The following AHNAK2 variants were observed in gnomAD, a reference collection of about 807,000 sequenced individuals.
AHNAK2 encodes AHNAK nucleoprotein 2.
In AHNAK2, 18 loss-of-function variants were observed where a neutral mutation model predicts 30.7. That is an observed-to-expected ratio of 0.59 (90% CI 0.41 to 0.87). The LOEUF (loss-of-function observed/expected upper bound fraction) is 0.87, where lower values mean the gene tolerates loss of function less well. Among genes scored for constraint, AHNAK2 ranks in the 40% least tolerant of loss-of-function variants. The pLI is 0.00. For synonymous variants in AHNAK2, 3,590 were observed against 3,073.8 expected (o/e 1.17, Z -5.56); for missense variants, 8,604 against 7,373.0 (o/e 1.17, Z -6.11).
At position 104,945,420 on chromosome 14, in the gene AHNAK2, A is replaced by C. The variant is rs1898209172; in HGVS notation, c.10031T>G (p.Leu3344Arg). 1 of 1,612,868 alleles carries C rather than the reference A, an allele frequency of 6.2e-7. No homozygotes were observed. The highest frequency in any genetic ancestry group is 1.3e-5 in the African/African-American group (1 of 74,644). Reference sequence around the variant, plus strand: ...CTTGAGGTCCCCCTGCATGGAGGGGAGGCTCACGTCGGCCTCCGCCTTCGG... The same window carrying C: ...CTTGAGGTCCCCCTGCATGGAGGGGCGGCTCACGTCGGCCTCCGCCTTCGG... The part of the protein sequence containing the change: ...SAPKAEADVS[L>R]PSMQGDLKTT... The change falls in exon 7 of 7, where the codon CTC (leucine) becomes CGC (arginine). Residue 3344 changes from leucine to arginine, a missense_variant. By Grantham distance (102) the Leu-to-Arg change is moderately radical (BLOSUM62 -2). Transcript: ENST00000333244.
At chr14:104,970,635 G>A (rs1899448257) in intron 1 of AHNAK2, among the ~76,000 whole-genome samples, 1 of 152,122 alleles carries the variant, frequency 6.6e-6, no homozygotes, top group Non-Finnish European at 1.5e-5. Flanking sequence ...GAGGGAGTGG[G>A]CGGGTCCCCT....
In AHNAK2 at chr14:104,949,614, T is replaced by A. The variant is rs201385980; in HGVS notation, c.5837A>T (p.Asp1946Val). The change falls in exon 7 of 7, where the codon GAT becomes GTT. Residue 1946 changes from aspartate to valine, a missense_variant. Transcript: ENST00000333244. ...CATGCTGGGCAGAGACACCTCGACA[T>A]CGGGGGCTGTCACTTCCGCCTTGGG... Reference protein sequence around the residue: ...KGPKAEVTAPDVEVSLPSMEV... With the variant: ...KGPKAEVTAPVVEVSLPSMEV... 6.3e-7 allele frequency: 1 copy of A among 1,588,904 alleles called. No individual in the cohort carries two copies. Among genetic ancestry groups the A allele is most frequent in the Non-Finnish European group, 8.6e-7 (1 of 1,163,338 alleles).
rs1898166210 is a variant in AHNAK2 at position 104,944,748 on chromosome 14, T to G, written c.10703A>C (p.Lys3568Thr). Reference protein sequence around the residue: ...KVEMPSLKTPKVDLKGPQIDV... With the variant: ...KVEMPSLKTPTVDLKGPQIDV... Reference sequence around the variant, plus strand: ...TATCTGGGGGCCCTTGAGGTCCACTTTGGGCGTCTTTAAACTGGGCATCTC... The same window carrying G: ...TATCTGGGGGCCCTTGAGGTCCACTGTGGGCGTCTTTAAACTGGGCATCTC... The change falls in exon 7 of 7, where the codon AAA (lysine) becomes ACA (threonine). Residue 3568 changes from lysine (K) to threonine (T), a missense_variant. Physicochemically the swap from Lys to Thr is moderately conservative, Grantham distance 78. Coordinates refer to ENST00000333244, the MANE Select transcript of AHNAK2 (RefSeq NM_138420.4). The G allele has an allele frequency of 3.7e-6, 6 of 1,612,172 alleles. No individual in the cohort carries two copies. Among genetic ancestry groups the G allele is most frequent in the Non-Finnish European group, 5.1e-6 (6 of 1,179,268 alleles).
rs181864087 is a variant in AHNAK2 at position 104,943,009 on chromosome 14, G to A, written c.12442C>T (p.Pro4148Ser). 2 of 1,613,160 alleles carry A rather than the reference G, an allele frequency of 1.2e-6. No homozygotes were observed. The highest frequency in any genetic ancestry group is 8.5e-7 in the Non-Finnish European group (1 of 1,179,570). Residue 4148 changes from proline (P) to serine (S), a missense_variant, in exon 7 of 7, where the codon CCA (proline) becomes TCA (serine). Transcript: ENST00000333244. Reference sequence around the variant, plus strand: ...ACGGACGCCTCCATGGACTTGCCTGGGGCCGACACCCCGAATGATGGCATC... The same window carrying A: ...ACGGACGCCTCCATGGACTTGCCTGAGGCCGACACCCCGAATGATGGCATC... ...FKMPSFGVSAPGKSMEASVDV... is the reference protein window; with the variant it reads ...FKMPSFGVSASGKSMEASVDV...
chr14:104,965,098 T>C (rs1899262563), intron 1 of AHNAK2, among the ~76,000 whole-genome samples: 1 of 152,194 alleles, frequency 6.6e-6, no homozygotes, highest in African/African-American at 2.4e-5. Flanking sequence ...ATCATTAGTG[T>C]AGTTTATGTG....
chr14:104,952,328 C>T lies in AHNAK2; in HGVS notation c.3123G>A (p.Leu1041=). 1 of 1,602,968 alleles carries T rather than the reference C, an allele frequency of 6.2e-7. No individual in the cohort carries two copies. Among genetic ancestry groups the T allele is most frequent in the Non-Finnish European group, 8.5e-7 (1 of 1,174,834 alleles). Residue 1041 remains leucine (L), a synonymous_variant, in exon 7 of 7, where the codon CTG becomes CTA. Coordinates refer to ENST00000333244, the MANE Select transcript of AHNAK2 (RefSeq NM_138420.4). ...GCTGAATGCTGAGGTCAGTGGTCTT[C>T]AGGTCCCCCTGCATGGAGGGGAGAC... is the stretch of plus-strand genomic sequence containing the variant. ...DLSLPSMQGD[L]KTTDLSIQPA...
In AHNAK2 at chr14:104,943,129, C is replaced by T. The variant is rs760896585; in HGVS notation, c.12322G>A (p.Ala4108Thr). 5.0e-6 allele frequency: 8 copies of T among 1,613,160 alleles called. No individual in the cohort carries two copies. The highest frequency in any genetic ancestry group is 1.7e-5 in the Admixed American group (1 of 59,934). Reference protein sequence around the residue: ...SMEVDVQAPRAKLDGVQLEGD... With the variant: ...SMEVDVQAPRTKLDGVQLEGD... The stretch of plus-strand genomic sequence containing the variant: ...TCCAGCTGCACACCATCCAGCTTTG[C>T]TCTCGGGGCCTGGACGTCCACCTCC... Residue 4108 changes from alanine (A) to threonine (T), a missense_variant, in exon 7 of 7, where the codon GCA becomes ACA. By Grantham distance (58) the Ala-to-Thr change is moderately conservative (BLOSUM62 0). Transcript: ENST00000333244.
Position 104,946,481 on chromosome 14 carries a change from C to T in AHNAK2, c.8970G>A (p.Val2990=), listed in dbSNP as rs990376890. The change falls in exon 7 of 7, where the codon GTG becomes GTA. Residue 2990 remains valine (V), a synonymous_variant. Transcript: ENST00000333244. ...MPKFKMPSFG[V]SAPGKSIEVS... is the part of the protein sequence containing the mutation. ...CCTCAATGGACTTGCCTGGGGCAGA[C>T]ACCCCGAACGACGGCATCTTGAACT... 1.2e-6 allele frequency: 2 copies of T among 1,612,574 alleles called. No homozygotes were observed. Among genetic ancestry groups the T allele is most frequent in the East Asian group, 2.2e-5 (1 of 44,694 alleles).
chr14:104,943,317 G>T lies in AHNAK2; in HGVS notation c.12134C>A (p.Ala4045Asp). Residue 4045 changes from alanine to aspartate, a missense_variant, in exon 7 of 7, where the codon GCC (alanine) becomes GAC (aspartate). By Grantham distance (126) the Ala-to-Asp change is moderately radical. Transcript: ENST00000333244. ...KLPEGPVPEG[A>D]SLKGHLPKVQ... is the part of the protein sequence containing the mutation. ...CTTGGGCAGGTGCCCTTTGAGGCTGGCTCCCTCGGGCACGGGGCCCTCTGG... is the reference window on the plus strand; with the variant it reads ...CTTGGGCAGGTGCCCTTTGAGGCTGTCTCCCTCGGGCACGGGGCCCTCTGG... 1 of 1,612,868 alleles carries T rather than the reference G, an allele frequency of 6.2e-7. No individual in the cohort carries two copies. Among genetic ancestry groups the T allele is most frequent in the Non-Finnish European group, 8.5e-7 (1 of 1,179,546 alleles).
chr14:104,948,449 G>T lies in AHNAK2; in HGVS notation c.7002C>A (p.Gly2334=), dbSNP rs376771932. The stretch of plus-strand genomic sequence containing the variant: ...CATCCGCTGAGGCCTCGATGGACTT[G>T]CCAAGGGCAGACACCCCAAACGACA... The part of the protein sequence containing the change: ...KMLSFGVSAL[G]KSIEASADVS... Residue 2334 remains glycine, a synonymous_variant, in exon 7 of 7, where the codon GGC becomes GGA. Transcript: ENST00000333244. 1 of 1,610,384 alleles carries T rather than the reference G, an allele frequency of 6.2e-7. No individual in the cohort carries two copies. The highest frequency in any genetic ancestry group is 2.2e-5 in the East Asian group (1 of 44,584).
Position 104,942,734 on chromosome 14 carries a change from C to G in AHNAK2, c.12717G>C (p.Lys4239Asn). ...GGCCTTTCAGGTCCAGCTTGGGGCC[C>G]TTGACATCCACCTGGGGGCCCTTGA... The part of the protein sequence containing the change: ...VALKGPQVDV[K>N]GPKLDLKGPK... Residue 4239 changes from lysine to asparagine, a missense_variant, in exon 7 of 7, where the codon AAG (lysine) becomes AAC (asparagine). Transcript: ENST00000333244. The G allele has an allele frequency of 1.9e-6, 3 of 1,612,992 alleles. No individual in the cohort carries two copies. The highest frequency in any genetic ancestry group is 2.5e-6 in the Non-Finnish European group (3 of 1,179,562).
chr14:104,954,623 C>T lies in AHNAK2; in HGVS notation c.828G>A (p.Gln276=), dbSNP rs777242525. 8 of 1,612,532 alleles carry T rather than the reference C, an allele frequency of 5.0e-6. No individual in the cohort carries two copies. Among genetic ancestry groups the T allele is most frequent in the Non-Finnish European group, 6.8e-6 (8 of 1,179,644 alleles). ...SIKSKRGPGP[Q]RSHSSSEAYE... ...AGGCCTCTGACGAGCTGTGTGACCT[C>T]TGGGGTCCCGGCCCCCGCTTGCTCT... is the stretch of plus-strand genomic sequence containing the variant. The change falls in exon 7 of 7, where the codon CAG becomes CAA. Residue 276 remains glutamine (Q), a synonymous_variant. Coordinates refer to ENST00000333244, the MANE Select transcript of AHNAK2 (RefSeq NM_138420.4). The surrounding 1 kb of genome is among the most constrained non-coding windows in gnomAD (Gnocchi z 4.3).
In AHNAK2 at chr14:104,938,850, A is replaced by T; in HGVS notation, c.16601T>A (p.Val5534Glu). ...KIPEPHTQAR[V>E]YTTMTQHSRT... ...AGAGTGTTGAGTCATTGTTGTGTAC[A>T]CTCTAGCCTGCGTGTGGGGCTCTGG... The change falls in exon 7 of 7, where the codon GTG (valine) becomes GAG (glutamate). Residue 5534 changes from valine (V) to glutamate (E), a missense_variant. Physicochemically the swap from Val to Glu is moderately radical, Grantham distance 121 (BLOSUM62 -2). Transcript: ENST00000333244. 6.2e-7 allele frequency: 1 copy of T among 1,613,614 alleles called. No homozygotes were observed. Among genetic ancestry groups the T allele is most frequent in the Non-Finnish European group, 8.5e-7 (1 of 1,179,838 alleles).
At position 104,953,321 on chromosome 14, in the gene AHNAK2, G is replaced by A. The variant is rs749562201; in HGVS notation, c.2130C>T (p.Ser710=). The A allele has an allele frequency of 1.4e-5, 22 of 1,612,712 alleles. No individual in the cohort carries two copies. In the African/African-American group the frequency reaches 1.5e-4, roughly 11 times the overall value. Residue 710 remains serine (S), a synonymous_variant, in exon 7 of 7, where the codon AGC becomes AGT. Transcript: ENST00000333244. The part of the protein sequence containing the change: ...VSAPKVEADV[S]LLSMQGDLKT... The stretch of plus-strand genomic sequence containing the variant: ...TGAGGTCCCCCTGCATGGAGAGGAG[G>A]CTCACGTCGGCCTCCACCTTCGGCG...
At position 104,948,807 on chromosome 14, in the gene AHNAK2, C is replaced by T. The variant is rs752286836; in HGVS notation, c.6644G>A (p.Gly2215Asp). 7 of 1,612,446 alleles carry T rather than the reference C, an allele frequency of 4.3e-6. No individual in the cohort carries two copies. The African/African-American group carries it at 5.4e-5, about 12-fold the overall frequency. The change falls in exon 7 of 7, where the codon GGC becomes GAC. Residue 2215 changes from glycine (G) to aspartate (D), a missense_variant. By Grantham distance (94) the Gly-to-Asp change is moderately conservative. Transcript: ENST00000333244. ...CTCCAGGAGTTTCACGTCCACCTGG[C>T]CAGCCTGGACCTTCACGTCGGCGGA... is the stretch of plus-strand genomic sequence containing the variant. ...PLSADVKVQA[G>D]QVDVKLLEGP...
chr14:104,964,972 C>A (rs866070103), intron 1 of AHNAK2, among the ~76,000 whole-genome samples: 1 of 152,258 alleles, frequency 6.6e-6, no homozygotes, highest in Non-Finnish European at 1.5e-5. Context: ...GTCCAACCCA[C>A]GGCCCACAGG....
intron 1 of AHNAK2, chr14:104,970,533 T>C: frequency 1.0e-6 from 1 of 985,362 alleles, no homozygotes; most frequent in Non-Finnish European, 1.2e-6. Context: ...CCACGCCCGG[T>C]TCTTCCCTCC....
rs1463646518 is a variant in AHNAK2 at position 104,953,486 on chromosome 14, T to G, written c.1965A>C (p.Lys655Asn). Reference protein sequence around the residue: ...TTKIQLIHDEKRLKKEQILTE... With the variant: ...TTKIQLIHDENRLKKEQILTE... Reference sequence around the variant, plus strand: ...TCAGAATTTGTTCCTTTTTTAAGCGTTTTTCATCGTGTATTAGTTGTATTT... The same window carrying G: ...TCAGAATTTGTTCCTTTTTTAAGCGGTTTTCATCGTGTATTAGTTGTATTT... Residue 655 changes from lysine (K) to asparagine (N), a missense_variant, in exon 7 of 7, where the codon AAA (lysine) becomes AAC (asparagine). Physicochemically the swap from Lys to Asn is moderately conservative, Grantham distance 94. Transcript: ENST00000333244. The G allele has an allele frequency of 1.2e-6, 2 of 1,613,886 alleles. No homozygotes were observed. The highest frequency in any genetic ancestry group is 2.7e-5 in the African/African-American group (2 of 74,924).
Position 104,938,162 on chromosome 14 carries a change from C to A in AHNAK2, c.17289G>T (p.Met5763Ile). The change falls in exon 7 of 7, where the codon ATG becomes ATT. Residue 5763 changes from methionine (M) to isoleucine (I), a missense_variant. Met to Ile is a conservative substitution (Grantham distance 10, BLOSUM62 1). Coordinates refer to ENST00000333244, the MANE Select transcript of AHNAK2 (RefSeq NM_138420.4). ...PVGTGLDSRV[M>I]VTSAARTELI... Reference sequence around the variant, plus strand: ...ACTCTGTTCTTGCCGCGGATGTCACCATCACTCTGGAGTCCAGCCCAGTGC... The same window carrying A: ...ACTCTGTTCTTGCCGCGGATGTCACAATCACTCTGGAGTCCAGCCCAGTGC... 6.2e-7 allele frequency: 1 copy of A among 1,613,962 alleles called. No individual in the cohort carries two copies. The highest frequency in any genetic ancestry group is 1.6e-4 in the Middle Eastern group (1 of 6,062).
Sources: allele counts gnomAD v4.1 joint callset (sites outside exome capture counted in the v4.1 genomes callset), GRCh38; gene constraint gnomAD v4.1.1; non-coding constraint Gnocchi (gnomAD v3.1); transcripts MANE v1.5; gene names NCBI Gene and HGNC (gene_info 2026-07-23, HGNC 2026-07-21).